The following PTK2B variants were observed in gnomAD, a reference collection of about 807,000 sequenced individuals.
PTK2B encodes protein-tyrosine kinase 2-beta.
PTK2B carries 71 observed loss-of-function variants against 142.9 expected under a neutral mutation model. That is an observed-to-expected ratio of 0.50 (90% CI 0.41 to 0.61). The LOEUF (loss-of-function observed/expected upper bound fraction) is 0.61. PTK2B is among the 20% of genes least tolerant of loss of function. The probability of loss-of-function intolerance (pLI) is 0.00; values close to 1 mark genes in which losing one functional copy is unlikely to be tolerated. For missense variants in PTK2B, 1,105 were observed against 1,320.4 expected, an observed-to-expected ratio of 0.84 and a Z score of 2.53; for synonymous variants, 519 against 503.4, an observed-to-expected ratio of 1.03 and a Z score of -0.42.
chr8:27,416,547 CAT>C (rs1423482629), intron 2 of PTK2B, among the ~76,000 whole-genome samples: 2 of 152,066 alleles, frequency 1.3e-5, no homozygotes, highest in Non-Finnish European at 2.9e-5. Flanking sequence ...TAAAAGAAAA[CAT>C]AGAATATCTT....
chr8:27,374,777 G>A (rs78950055), intron 1 of PTK2B, among the ~76,000 whole-genome samples: 3,007 of 152,276 alleles, frequency 0.02, 103 homozygotes, highest in African/African-American at 0.068. Context: ...GGGGCCCCAT[G>A]TCAAAGCATC....
intron 1 of PTK2B, among the ~76,000 whole-genome samples, chr8:27,369,869 C>T (rs1481856755): frequency 6.7e-6 from 1 of 150,164 alleles, no homozygotes; most frequent in Non-Finnish European, 1.5e-5. Context: ...CCCAGCTACT[C>T]GGAAGGCTGA....
intron 1 of PTK2B, among the ~76,000 whole-genome samples, chr8:27,357,771 A>G (rs1805470068): frequency 6.6e-6 from 1 of 152,220 alleles, no homozygotes; most frequent in African/African-American, 2.4e-5. Flanking sequence ...CAGGCTTGGA[A>G]TTACAGCTGC....
At chr8:27,345,357 A>G (rs1804653779) in intron 1 of PTK2B, among the ~76,000 whole-genome samples, 1 of 152,124 alleles carries the variant, frequency 6.6e-6, no homozygotes, top group Non-Finnish European at 1.5e-5. Flanking sequence ...TCTTAGGAGG[A>G]CTTCTGTTAC....
chr8:27,401,471 A>G (rs917203919), intron 2 of PTK2B, among the ~76,000 whole-genome samples: 1 of 152,212 alleles, frequency 6.6e-6, no homozygotes, highest in South Asian at 2.1e-4. Context: ...GCAATGAATT[A>G]TAGTGGAGAC....
Position 27,433,537 on chromosome 8 carries a change from A to G in PTK2B, c.1090A>G (p.Ile364Val). The G allele has an allele frequency of 1.2e-6, 2 of 1,613,768 alleles. No homozygotes were observed. The highest frequency in any genetic ancestry group is 8.5e-7 in the Non-Finnish European group (1 of 1,179,670). ...GGGTGAGCACCAAGGCTCTCTCATCATCCATCCTAGGAAAGGTGGGTTCCA... is the reference window on the plus strand; with the variant it reads ...GGGTGAGCACCAAGGCTCTCTCATCGTCCATCCTAGGAAAGGTGGGTTCCA... Reference protein sequence around the residue: ...LQGEHQGSLIIHPRKDGEKRN... With the variant: ...LQGEHQGSLIVHPRKDGEKRN... The change falls in exon 11 of 31, where the codon ATC becomes GTC. Residue 364 changes from isoleucine to valine, a missense_variant. Coordinates refer to ENST00000346049, the MANE Select transcript of PTK2B (RefSeq NM_173176.3).
intron 2 of PTK2B, among the ~76,000 whole-genome samples, chr8:27,415,451 A>C (rs1329317226): frequency 6.6e-6 from 1 of 152,248 alleles, no homozygotes; most frequent in African/African-American, 2.4e-5. Flanking sequence ...GCTTGGCTAG[A>C]CTAATCTTTC....
At chr8:27,417,308 A>G (rs1257159642) in intron 2 of PTK2B, among the ~76,000 whole-genome samples, 1 of 152,236 alleles carries the variant, frequency 6.6e-6, no homozygotes, top group Non-Finnish European at 1.5e-5. Context: ...CTCAGACATT[A>G]TGCTGAGTGA....
chr8:27,411,715 G>T (rs1423563687), intron 2 of PTK2B, among the ~76,000 whole-genome samples: 1 of 152,168 alleles, frequency 6.6e-6, no homozygotes. Flanking sequence ...CCTTCTGTGT[G>T]CCTAAAGGAT....
intron 22 of PTK2B, 106 bp from the exon 23 acceptor site, chr8:27,444,100 T>G (rs1811322235): frequency 8.4e-7 from 1 of 1,189,256 alleles, no homozygotes; most frequent in Non-Finnish European, 1.2e-6. Flanking sequence ...CAACTTTCCT[T>G]CCTTTGGAAC....
Position 27,319,318 on chromosome 8 carries a change from C to CTTT in PTK2B, c.-413-3073_-413-3071dup, listed in dbSNP as rs35130657. 3.3e-3 allele frequency among the ~76,000 whole-genome samples: 468 copies of CTTT among 141,712 alleles called. 2 individuals are homozygous for CTTT. Among genetic ancestry groups the CTTT allele is most frequent in the African/African-American group, 8.4e-3 (321 of 38,384 alleles). 93.0% of individuals were successfully genotyped at this position (141,712 alleles called of 152,430 possible). A position where few individuals can be genotyped will look rare whatever the true frequency, so the allele number is the denominator to read the frequency against. On this transcript the variant is annotated intron_variant, in intron 3 of 35. Coordinates refer to the PTK2B transcript ENST00000397501. ...GGGAGGTGGAATATTTTAAAGCAACCTTTTTTTTTTTTTCAGGAACCCGTT... is the reference window on the plus strand; with the variant it reads ...GGGAGGTGGAATATTTTAAAGCAACCTTTTTTTTTTTTTTTTCAGGAACCCGTT...
At chr8:27,401,229 A>G (rs1808367744) in intron 2 of PTK2B, among the ~76,000 whole-genome samples, 1 of 150,812 alleles carries the variant, frequency 6.6e-6, no homozygotes, top group South Asian at 2.1e-4. Context: ...AAAAACAAGA[A>G]TCAGTCAAGA....
At chr8:27,360,555 A>T (rs1805638025) in intron 1 of PTK2B, among the ~76,000 whole-genome samples, 1 of 151,964 alleles carries the variant, frequency 6.6e-6, no homozygotes, top group South Asian at 2.1e-4. Flanking sequence ...TCCACCATGG[A>T]AGCCAATGTG....
intron 5 of PTK2B, among the ~76,000 whole-genome samples, chr8:27,423,277 G>A (rs1471285343): frequency 6.6e-6 from 1 of 152,172 alleles, no homozygotes. Flanking sequence ...TTCTAGCCCT[G>A]TCTTGACCAG....
intron 2 of PTK2B, 67 bp downstream of exon 2, chr8:27,397,855 GCTCTCCTGCAGCCTCGCA>G: frequency 7.2e-6 from 4 of 552,482 alleles, no homozygotes; most frequent in Non-Finnish European, 1.1e-5. Context: ...CAGCTGAGCA[GCTCTCCTGCAGCCTCGCA>G]GCTCTCCCAT....
rs188600053 is a variant in PTK2B, at chr8:27,403,024, G to A, written c.204+5236G>A. On this transcript the variant is annotated intron_variant, in intron 2 of 30. Transcript: ENST00000346049. ...GTGTGGGGATGCAGTGTCCAGTTGGGAGTCTAAGCCCAACTTCCTTGTCTG... is the reference window on the plus strand; with the variant it reads ...GTGTGGGGATGCAGTGTCCAGTTGGAAGTCTAAGCCCAACTTCCTTGTCTG... Among the ~76,000 whole-genome samples, 3 of 152,348 alleles carry A rather than the reference G, an allele frequency of 2.0e-5. No homozygotes were observed. The East Asian group carries it at 5.8e-4, about 29-fold the overall frequency.
upstream of PTK2B, chr8:27,311,118 AGTT>A (rs1186422414): frequency 6.2e-7 from 1 of 1,600,860 alleles, no homozygotes; most frequent in Non-Finnish European, 8.5e-7. Flanking sequence ...CCGCGGCAGA[AGTT>A]GTGGCCGCAG....
chr8:27,426,051 C>T (rs1361318881), intron 5 of PTK2B, among the ~76,000 whole-genome samples: 2 of 152,066 alleles, frequency 1.3e-5, no homozygotes, highest in Non-Finnish European at 1.5e-5. Flanking sequence ...CCATTGTCCA[C>T]CCCCAGCAGA....
chr8:27,440,588 G>C, intron 21 of PTK2B, 147 bp downstream of exon 21: 1 of 952,224 alleles, frequency 1.1e-6, no homozygotes, highest in East Asian at 2.6e-5. Context: ...TTCACTGTCA[G>C]ATATGAGCTC....
Sources: gnomAD v4.1 joint callset for allele counts (sites outside exome capture counted in the v4.1 genomes callset) on GRCh38, gnomAD v4.1.1 for gene constraint, MANE v1.5 for transcripts, NCBI Gene and HGNC (gene_info 2026-07-23, HGNC 2026-07-21) for gene names.